Variants in NRG1 observed in about 807,000 individuals in gnomAD.
NRG1 encodes the protein neuregulin 1, also known as pro-neuregulin-1, membrane-bound isoform.
NRG1 carries 18 observed loss-of-function variants against 63.8 expected under a neutral mutation model. The ratio of observed to expected loss-of-function variants is 0.28; its 90% CI spans 0.19 to 0.42. The LOEUF is 0.42. Ranked by LOEUF, NRG1 falls within the 10% of genes least tolerant of loss-of-function variation. The pLI is 1.00. For synonymous variants in NRG1, 302 were observed against 301.3 expected, an observed-to-expected ratio of 1.00 and a Z score of -0.02; for missense variants, 762 against 814.7, an observed-to-expected ratio of 0.94 and a Z score of 0.79.
chr8:32,151,861 C>T (rs1006591397), intron 1 of NRG1, among the ~76,000 whole-genome samples: 2 of 152,050 alleles, frequency 1.3e-5, no homozygotes, highest in Admixed American at 6.6e-5. Context: ...AGACATTGTC[C>T]GTGAAGCTCC....
chr8:32,639,951 T>A (rs1427250064), intron 5 of NRG1, among the ~76,000 whole-genome samples: 1 of 152,214 alleles, frequency 6.6e-6, no homozygotes, highest in African/African-American at 2.4e-5. Flanking sequence ...TCATTTTCAT[T>A]AAATAAGATT....
chr8:31,834,327 A>ACACACACACG (rs1586715035), intron 1 of NRG1, among the ~76,000 whole-genome samples: 1 of 150,546 alleles, frequency 6.6e-6, no homozygotes, highest in South Asian at 2.2e-4. Context: ...ACACACACAC[A>ACACACACACG]CACGCACACC....
intron 1 of NRG1, among the ~76,000 whole-genome samples, chr8:32,007,280 T>G (rs971547790): frequency 6.6e-6 from 1 of 152,054 alleles, no homozygotes; most frequent in Non-Finnish European, 1.5e-5. Flanking sequence ...CCTAGTGACC[T>G]TTCTACTCAA....
intron 5 of NRG1, chr8:32,647,816 G>A (rs750558927): frequency 5.0e-6 from 8 of 1,613,830 alleles, no homozygotes; most frequent in Middle Eastern, 3.3e-4. Flanking sequence ...ATGGGCTTCC[G>A]GCAGCAGAAG....
At chr8:31,741,914 A>G (rs142005918) in intron 1 of NRG1, among the ~76,000 whole-genome samples, 5 of 152,142 alleles carry the variant, frequency 3.3e-5, no homozygotes, top group African/African-American at 1.2e-4. Flanking sequence ...TGAAATGGCA[A>G]AAAACTGAAA....
chr8:32,461,367 T>C (rs1822283201), intron 1 of NRG1, among the ~76,000 whole-genome samples: 1 of 152,102 alleles, frequency 6.6e-6, no homozygotes, highest in East Asian at 1.9e-4. Context: ...CTGTTGTCTA[T>C]AAGGAAAAAG....
intron 1 of NRG1, among the ~76,000 whole-genome samples, chr8:32,204,143 G>A (rs921194627): frequency 6.6e-6 from 1 of 152,170 alleles, no homozygotes; most frequent in African/African-American, 2.4e-5. Context: ...TCAGTAGTTT[G>A]GTATGGCTAC....
chr8:31,939,938 G>C (rs1315112350), intron 1 of NRG1, among the ~76,000 whole-genome samples: 2 of 152,016 alleles, frequency 1.3e-5, no homozygotes, highest in Non-Finnish European at 2.9e-5. Flanking sequence ...CTAGACCTAA[G>C]AAATGAGATA....
At chr8:31,779,681 G>A (rs1819493257) in intron 1 of NRG1, among the ~76,000 whole-genome samples, 1 of 152,166 alleles carries the variant, frequency 6.6e-6, no homozygotes. Context: ...TCATAGAGGA[G>A]GTAGCTTGAC....
intron 1 of NRG1, among the ~76,000 whole-genome samples, chr8:32,465,916 G>T (rs1563501713): frequency 6.6e-6 from 1 of 152,086 alleles, no homozygotes; most frequent in Non-Finnish European, 1.5e-5. Context: ...GTTTAAAAGT[G>T]TGTTAGCAAT....
chr8:32,126,838 A>G (rs1340146132), intron 1 of NRG1, among the ~76,000 whole-genome samples: 2 of 151,896 alleles, frequency 1.3e-5, no homozygotes, highest in Admixed American at 6.6e-5. Context: ...GTGCATTGCC[A>G]GCTTCCACTG....
chr8:32,255,484 G>C (rs192040039), intron 1 of NRG1, among the ~76,000 whole-genome samples: 1 of 152,184 alleles, frequency 6.6e-6, no homozygotes, highest in East Asian at 1.9e-4. Context: ...ATTCTGGGTT[G>C]AAAATTCTTT....
intron 1 of NRG1, among the ~76,000 whole-genome samples, chr8:31,997,413 G>A (rs1156441139): frequency 6.6e-6 from 1 of 151,932 alleles, no homozygotes; most frequent in Non-Finnish European, 1.5e-5. Context: ...GCAATAGGGT[G>A]CAAATGTTCC....
intron 1 of NRG1, among the ~76,000 whole-genome samples, chr8:31,861,500 G>A (rs1482163527): frequency 6.6e-6 from 1 of 152,094 alleles, no homozygotes; most frequent in Non-Finnish European, 1.5e-5. Context: ...GAAGGAGAAG[G>A]AGAGAAACAA....
At chr8:32,375,559 T>A (rs1009904101) in intron 1 of NRG1, among the ~76,000 whole-genome samples, 4 of 151,952 alleles carry the variant, frequency 2.6e-5, no homozygotes, top group African/African-American at 9.7e-5. Flanking sequence ...GGAGAAATCA[T>A]GTGATTGGCC....
intron 8 of NRG1, among the ~76,000 whole-genome samples, chr8:32,755,577 A>C (rs1829530337): frequency 6.6e-6 from 1 of 152,178 alleles, no homozygotes; most frequent in African/African-American, 2.4e-5. Context: ...CAGAGTAGGA[A>C]CATGTTACGA....
intron 1 of NRG1, among the ~76,000 whole-genome samples, chr8:32,407,310 A>AT (rs1814195204): frequency 1.8e-4 from 2 of 11,168 alleles, no homozygotes; most frequent in Admixed American, 2.3e-3. Context: ...ATATATATAT[A>AT]TATATATATT....
Position 32,044,930 on chromosome 8 carries a change from A to C in NRG1, c.37+405499A>C, listed in dbSNP as rs13277453. Among the ~76,000 whole-genome samples the C allele has an allele frequency of 1.5e-3, 212 of 137,112 alleles. 1 individual carries two copies. The highest frequency in any genetic ancestry group is 0.011 in the East Asian group (49 of 4,370). 90.0% of individuals were successfully genotyped at this position (137,112 alleles called of 152,430 possible). On this transcript the variant is annotated intron_variant, in intron 1 of 10. Coordinates refer to the NRG1 transcript ENST00000519301. ...AAGAAAAGCAAAAAAAAAAAAAAAA[A>C]ACACACACACACAAAGCAATCAGAA...
chr8:31,778,054 G>T (rs149442161), intron 1 of NRG1, among the ~76,000 whole-genome samples: 45 of 152,306 alleles, frequency 3.0e-4, no homozygotes, highest in African/African-American at 1.0e-3. Flanking sequence ...ATCCCAAGGT[G>T]AGTTGGGATT....
Sources: gnomAD v4.1 joint callset for allele counts (sites outside exome capture counted in the v4.1 genomes callset) on GRCh38, gnomAD v4.1.1 for gene constraint, MANE v1.5 for transcripts, NCBI Gene and HGNC (gene_info 2026-07-23, HGNC 2026-07-21) for gene names.